NT5DC1: variants seen among roughly 807,000 people sequenced by gnomAD.
NT5DC1 encodes the protein 5'-nucleotidase domain containing 1, also known as 5'-nucleotidase domain-containing protein 1.
In NT5DC1, 42 loss-of-function variants were observed where a neutral mutation model predicts 59.4. The ratio of observed to expected loss-of-function variants is 0.71; its 90% CI spans 0.55 to 0.92. The LOEUF (loss-of-function observed/expected upper bound fraction) is 0.92, where lower values mean the gene tolerates loss of function less well. Among genes scored for constraint, NT5DC1 ranks in the 40% least tolerant of loss-of-function variants. The probability of loss-of-function intolerance (pLI) is 0.00; values close to 1 mark genes in which losing one functional copy is unlikely to be tolerated. For missense variants in NT5DC1, 501 were observed against 537.1 expected, an observed-to-expected ratio of 0.93 and a Z score of 0.66; for synonymous variants, 172 against 188.1, an observed-to-expected ratio of 0.91 and a Z score of 0.70.
chr6:116,106,155 C>T (rs1020031077), intron 1 of NT5DC1, 89 bp from the exon 2 acceptor site: 7 of 773,154 alleles, frequency 9.1e-6, no homozygotes, highest in South Asian at 7.1e-5. Context: ...CTGCCCCCAT[C>T]AGCAATTCCA....
intron 6 of NT5DC1, among the ~76,000 whole-genome samples, chr6:116,179,347 T>C (rs1416494063): frequency 1.3e-5 from 2 of 152,154 alleles, no homozygotes; most frequent in Non-Finnish European, 2.9e-5. Flanking sequence ...GTTAATACTT[T>C]CTTCAGAGAA....
intron 6 of NT5DC1, among the ~76,000 whole-genome samples, chr6:116,161,542 G>A (rs1430487407): frequency 6.6e-6 from 1 of 151,972 alleles, no homozygotes; most frequent in East Asian, 1.9e-4. Flanking sequence ...AAGATCAGGT[G>A]TGTGGCTTTA....
At chr6:116,159,958 T>A (rs898989237) in intron 6 of NT5DC1, among the ~76,000 whole-genome samples, 1 of 152,220 alleles carries the variant, frequency 6.6e-6, no homozygotes, top group Admixed American at 6.5e-5. Flanking sequence ...TTACTTTTTA[T>A]GGCCGTGTAG....
intron 6 of NT5DC1, among the ~76,000 whole-genome samples, chr6:116,212,176 C>T (rs1741946673): frequency 6.6e-6 from 1 of 152,034 alleles, no homozygotes; most frequent in African/African-American, 2.4e-5. Context: ...TAAAATCTCA[C>T]TGATTTGAAA....
At chr6:116,163,141 A>AAAATATATATAT (rs761718922) in intron 6 of NT5DC1, among the ~76,000 whole-genome samples, 54 of 88,356 alleles carry the variant, frequency 6.1e-4, no homozygotes, top group African/African-American at 3.1e-3. Flanking sequence ...AAAAAAAAAA[A>AAAATATATATAT]ATATATATAT....
At chr6:116,178,142 T>G in intron 6 of NT5DC1, among the ~76,000 whole-genome samples, 1 of 150,528 alleles carries the variant, frequency 6.6e-6, no homozygotes, top group Admixed American at 6.6e-5. Flanking sequence ...TGTTTACTAG[T>G]GGGACTGGGT....
intron 6 of NT5DC1, among the ~76,000 whole-genome samples, chr6:116,204,995 A>T (rs767870004): frequency 1.8e-4 from 27 of 152,010 alleles, no homozygotes; most frequent in Admixed American, 2.6e-4. Context: ...TATTGGAAAG[A>T]TACACACCAA....
intron 6 of NT5DC1, chr6:116,125,565 C>G (rs1041900163): frequency 6.6e-7 from 1 of 1,518,338 alleles, no homozygotes; most frequent in Non-Finnish European, 9.1e-7. Context: ...TTTTTTTATT[C>G]TCATGTTTCA....
intron 6 of NT5DC1, among the ~76,000 whole-genome samples, chr6:116,205,617 GT>G (rs1781436633): frequency 6.6e-6 from 1 of 151,840 alleles, no homozygotes; most frequent in Non-Finnish European, 1.5e-5. Flanking sequence ...AAAAAAGGCT[GT>G]TCAGATATTT....
chr6:116,142,994 C>T (rs1779802810), intron 6 of NT5DC1, among the ~76,000 whole-genome samples: 1 of 152,108 alleles, frequency 6.6e-6, no homozygotes, highest in African/African-American at 2.4e-5. Context: ...AAATTATAGA[C>T]ATTATGGTTT....
intron 6 of NT5DC1, among the ~76,000 whole-genome samples, chr6:116,220,655 G>A (rs972666507): frequency 1.3e-5 from 2 of 152,172 alleles, no homozygotes; most frequent in Non-Finnish European, 2.9e-5. Flanking sequence ...TGCAATATCT[G>A]AGTGTTGATT....
rs1771890510 is a variant in NT5DC1 at position 116,248,644 on chromosome 6, G to T, written c.*4620G>T. 1 of 152,370 alleles carries T rather than the reference G, an allele frequency of 6.6e-6. No individual in the cohort carries two copies. The highest frequency in any genetic ancestry group is 1.5e-5 in the Non-Finnish European group (1 of 68,072). The allele number at this position is 152,370 out of a possible 1,614,324, so 9.4% of individuals were successfully genotyped here. On this transcript the variant is annotated 3_prime_UTR_variant, in exon 12 of 12. Transcript: ENST00000319550. Reference sequence around the variant, plus strand: ...AGGAAAGTGTTGTGTGAGGACCAGGGTAATTATGCAGTGTCACCACTACTC... The same window carrying T: ...AGGAAAGTGTTGTGTGAGGACCAGGTTAATTATGCAGTGTCACCACTACTC...
At chr6:116,173,728 G>A (rs1454619723) in intron 6 of NT5DC1, among the ~76,000 whole-genome samples, 1 of 152,034 alleles carries the variant, frequency 6.6e-6, no homozygotes, top group Non-Finnish European at 1.5e-5. Context: ...ATCCCTAAAT[G>A]TATAGAAAAA....
chr6:116,143,997 A>G (rs1211031401), intron 6 of NT5DC1, among the ~76,000 whole-genome samples: 1 of 150,998 alleles, frequency 6.6e-6, no homozygotes, highest in African/African-American at 2.4e-5. Flanking sequence ...AAACTTAGAA[A>G]GATTAGGAGC....
chr6:116,125,622 A>C, intron 6 of NT5DC1: 1 of 809,632 alleles, frequency 1.2e-6, no homozygotes, highest in Non-Finnish European at 1.9e-6. Flanking sequence ...CCTATCCTAT[A>C]TATTTTTAAT....
At chr6:116,192,068 A>G (rs140978895) in intron 6 of NT5DC1, among the ~76,000 whole-genome samples, 41 of 152,154 alleles carry the variant, frequency 2.7e-4, no homozygotes, top group African/African-American at 9.1e-4. Context: ...AAACTTGGTA[A>G]TCATTAATAT....
intron 6 of NT5DC1, among the ~76,000 whole-genome samples, chr6:116,128,368 A>G (rs1217096999): frequency 1.3e-5 from 2 of 152,012 alleles, no homozygotes; most frequent in East Asian, 1.9e-4. Context: ...ATTTAAAACT[A>G]TTTTTACTCT....
chr6:116,178,084 TGTGTGCGCGCGC>T lies in NT5DC1; in HGVS notation c.530-42968_530-42957del, dbSNP rs1222768679. On this transcript the variant is annotated intron_variant, in intron 6 of 11. Coordinates refer to ENST00000319550, the MANE Select transcript of NT5DC1 (RefSeq NM_152729.3). ...GTGTGTGTGTGTGTGTGTGTGTGTG[TGTGTGCGCGCGC>T]GCGCGCGTGCGTGCGTGTGTGTGTG... Among the ~76,000 whole-genome samples the T allele has an allele frequency of 2.8e-3, 257 of 91,918 alleles. 2 individuals carry two copies. Among genetic ancestry groups the T allele is most frequent in the African/African-American group, 0.014 (247 of 18,294 alleles). The allele number at this position is 91,918 out of a possible 152,430, so 60.3% of individuals were successfully genotyped here.
intron 5 of NT5DC1, among the ~76,000 whole-genome samples, chr6:116,116,154 T>C (rs1452495090): frequency 6.6e-6 from 1 of 152,128 alleles, no homozygotes; most frequent in Non-Finnish European, 1.5e-5. Flanking sequence ...TAATATAAAA[T>C]AGAAAAATCG....
Sources: gnomAD v4.1 joint callset for allele counts (sites outside exome capture counted in the v4.1 genomes callset) on GRCh38, gnomAD v4.1.1 for gene constraint, MANE v1.5 for transcripts, NCBI Gene and HGNC (gene_info 2026-07-23, HGNC 2026-07-21) for gene names.